NCAM2: variants seen among roughly 807,000 people sequenced by gnomAD.
The protein encoded by NCAM2 is neural cell adhesion molecule 2, also known as N-CAM-2.
A neutral mutation model predicts 98.1 loss-of-function variants in NCAM2; 30 were observed. The observed-to-expected ratio is 0.31, with a 90% CI of 0.23 to 0.41. The LOEUF is 0.41. NCAM2 is among the 10% of genes least tolerant of loss of function. The probability of loss-of-function intolerance (pLI) is 1.00; values close to 1 mark genes in which losing one functional copy is unlikely to be tolerated. For synonymous variants in NCAM2, 368 were observed against 342.4 expected, an observed-to-expected ratio of 1.07 and a Z score of -0.83; for missense variants, 867 against 1,005.8, an observed-to-expected ratio of 0.86 and a Z score of 1.87.
chr21:21,127,028 T>C (rs1257910855), intron 1 of NCAM2, among the ~76,000 whole-genome samples: 2 of 151,944 alleles, frequency 1.3e-5, no homozygotes, highest in Non-Finnish European at 2.9e-5. Flanking sequence ...GCATATACAT[T>C]TTACCATGTT....
In NCAM2 at chr21:21,048,313, G is replaced by A. The variant is rs112368593; in HGVS notation, c.55+49695G>A. Among the ~76,000 whole-genome samples the A allele has an allele frequency of 8.9e-3, 1,351 of 151,960 alleles. 22 individuals carry two copies. Among genetic ancestry groups the A allele is most frequent in the Non-Finnish European group, 0.012 (834 of 67,976 alleles). On this transcript the variant is annotated intron_variant, in intron 1 of 17. Transcript: ENST00000400546. ...AGTGTTTAAATTTACCCATAGCCTG[G>A]AAGACCCCCTTTAAGTTGTCCCCCC...
chr21:21,130,141 T>A (rs1165831171), intron 1 of NCAM2, among the ~76,000 whole-genome samples: 4 of 152,142 alleles, frequency 2.6e-5, no homozygotes, highest in Non-Finnish European at 5.9e-5. Flanking sequence ...AGGAATATTA[T>A]CTAAATATAT....
intron 1 of NCAM2, among the ~76,000 whole-genome samples, chr21:21,145,688 A>C (rs2067257537): frequency 6.6e-6 from 1 of 152,196 alleles, no homozygotes; most frequent in Non-Finnish European, 1.5e-5. Flanking sequence ...AGTATAACCA[A>C]CACAAGAGAA....
chr21:21,278,679 C>A (rs1417449599), intron 1 of NCAM2, among the ~76,000 whole-genome samples: 1 of 151,994 alleles, frequency 6.6e-6, no homozygotes, highest in Non-Finnish European at 1.5e-5. Context: ...GTAGACCCTG[C>A]CCAAGTTTTC....
intron 1 of NCAM2, among the ~76,000 whole-genome samples, chr21:21,225,689 T>G (rs2070354024): frequency 6.6e-6 from 1 of 152,060 alleles, no homozygotes; most frequent in East Asian, 1.9e-4. Context: ...AAATTTCACC[T>G]AAAATTAAAG....
At chr21:21,457,396 C>A (rs1301904952) in intron 12 of NCAM2, among the ~76,000 whole-genome samples, 3 of 152,158 alleles carry the variant, frequency 2.0e-5, no homozygotes, top group Admixed American at 2.0e-4. Context: ...CATCCCAGCA[C>A]TTTGGAAGGC....
At chr21:21,265,102 TA>T (rs1232124759) in intron 1 of NCAM2, among the ~76,000 whole-genome samples, 1 of 48,304 alleles carries the variant, frequency 2.1e-5, no homozygotes, top group Non-Finnish European at 4.2e-5. Context: ...TATATACATA[TA>T]TAATATATAT....
rs768606467 is a variant in NCAM2 at position 21,432,139 on chromosome 21, C to G, written c.1512C>G (p.Ile504Met). The G allele has an allele frequency of 6.2e-7, 1 of 1,613,998 alleles. No individual in the cohort carries two copies. The highest frequency in any genetic ancestry group is 8.5e-7 in the Non-Finnish European group (1 of 1,179,936). The change falls in exon 12 of 18, where the codon ATC becomes ATG. Residue 504 changes from isoleucine (I) to methionine (M), a missense_variant. By Grantham distance (10) the Ile-to-Met change is conservative. Transcript: ENST00000400546. Reference protein sequence around the residue: ...DVPSSPYGVKIIELSQTTAKV... With the variant: ...DVPSSPYGVKMIELSQTTAKV... Reference sequence around the variant, plus strand: ...CATCCAGTCCCTATGGAGTGAAGATCATAGAGCTGTCGCAGACCACGGCCA... The same window carrying G: ...CATCCAGTCCCTATGGAGTGAAGATGATAGAGCTGTCGCAGACCACGGCCA...
At chr21:21,378,837 A>G (rs1170378734) in intron 9 of NCAM2, among the ~76,000 whole-genome samples, 1 of 152,090 alleles carries the variant, frequency 6.6e-6, no homozygotes, top group Non-Finnish European at 1.5e-5. Flanking sequence ...TATAAATACT[A>G]TTCTCTGGAA....
intron 5 of NCAM2, among the ~76,000 whole-genome samples, chr21:21,319,896 T>C (rs1883393647): frequency 6.6e-6 from 1 of 152,188 alleles, no homozygotes; most frequent in African/African-American, 2.4e-5. Flanking sequence ...GAAATACTTA[T>C]TTGATTAAAC....
intron 7 of NCAM2, among the ~76,000 whole-genome samples, chr21:21,336,190 G>A (rs1568948473): frequency 1.3e-5 from 2 of 152,010 alleles, no homozygotes; most frequent in South Asian, 2.1e-4. Context: ...ATATAATGAC[G>A]TAGCTTCAAT....
At position 21,302,600 on chromosome 21, in the gene NCAM2, G is replaced by A. The variant is rs566823925; in HGVS notation, c.619+10359G>A. ...AGGCTATTATTAAAAAGTCAAAAAA[G>A]CAACAGATGTTGAAGGCTGCAGAGA... On this transcript the variant is annotated intron_variant, in intron 5 of 17. Transcript: ENST00000400546. Among the ~76,000 whole-genome samples, 62 of 152,148 alleles carry A rather than the reference G, an allele frequency of 4.1e-4. No homozygotes were observed. In the South Asian group the frequency reaches 0.012, roughly 30 times the overall value.
At chr21:21,228,433 T>A (rs1034339) in intron 1 of NCAM2, among the ~76,000 whole-genome samples, 150,173 of 151,456 alleles carry the variant, frequency 0.99, 74,467 homozygotes, top group East Asian at 1. Flanking sequence ...TAATAACAGA[T>A]AAGTAAAATC....
At chr21:21,175,715 G>A (rs1337003312) in intron 1 of NCAM2, among the ~76,000 whole-genome samples, 1 of 152,136 alleles carries the variant, frequency 6.6e-6, no homozygotes, top group African/African-American at 2.4e-5. Flanking sequence ...TTTTAGCTGA[G>A]AGTACCTAGT....
intron 3 of NCAM2, among the ~76,000 whole-genome samples, chr21:21,285,006 C>T (rs746450564): frequency 2.2e-4 from 34 of 151,712 alleles, no homozygotes; most frequent in Non-Finnish European, 3.8e-4. Context: ...ACATTGAAAT[C>T]TGTTGACTCC....
At chr21:21,092,719 C>G (rs1242356903) in intron 1 of NCAM2, among the ~76,000 whole-genome samples, 2 of 151,834 alleles carry the variant, frequency 1.3e-5, no homozygotes, top group African/African-American at 4.8e-5. Flanking sequence ...ATTCCTAGCT[C>G]AGACATATAT....
Position 20,998,659 on chromosome 21 carries a change from C to G in NCAM2, c.55+41C>G, listed in dbSNP as rs190660724. Reference sequence around the variant, plus strand: ...TTTATTGCATTTACTTTCCCTCCCCCTTCCACCCGGCCAAGAGAGGCAAAG... The same window carrying G: ...TTTATTGCATTTACTTTCCCTCCCCGTTCCACCCGGCCAAGAGAGGCAAAG... On this transcript the variant is annotated intron_variant, in intron 1 of 17. Transcript: ENST00000400546. The G allele has an allele frequency of 5.5e-3, 8,770 of 1,592,096 alleles. 32 individuals carry two copies. Among genetic ancestry groups the G allele is most frequent in the Non-Finnish European group, 6.2e-3 (7,204 of 1,160,920 alleles).
chr21:21,086,096 G>A (rs2065900790), intron 1 of NCAM2, among the ~76,000 whole-genome samples: 1 of 152,166 alleles, frequency 6.6e-6, no homozygotes, highest in Non-Finnish European at 1.5e-5. Context: ...TGTGACTCAA[G>A]TGTAATATGG....
intron 1 of NCAM2, among the ~76,000 whole-genome samples, chr21:21,248,248 A>T (rs954921099): frequency 6.6e-6 from 1 of 152,166 alleles, no homozygotes; most frequent in African/African-American, 2.4e-5. Context: ...TTAAAAAAAA[A>T]CATACAGTTA....
Sources: allele counts gnomAD v4.1 joint callset (sites outside exome capture counted in the v4.1 genomes callset), GRCh38; gene constraint gnomAD v4.1.1; transcripts MANE v1.5; gene names NCBI Gene and HGNC (gene_info 2026-07-23, HGNC 2026-07-21).